The following RNF121 variants were observed in gnomAD, a reference collection of about 807,000 sequenced individuals.
RNF121 encodes the protein ring finger protein 121.
A neutral mutation model predicts 46.5 loss-of-function variants in RNF121; 21 were observed. The observed-to-expected ratio is 0.45, with a 90% CI of 0.32 to 0.65. The LOEUF (loss-of-function observed/expected upper bound fraction) is 0.65. RNF121 is among the 30% of genes least tolerant of loss of function. The pLI is 0.04. For synonymous variants in RNF121, 139 were observed against 144.7 expected, an observed-to-expected ratio of 0.96 and a Z score of 0.28; for missense variants, 346 against 416.0, an observed-to-expected ratio of 0.83 and a Z score of 1.46.
Position 71,990,577 on chromosome 11 carries a change from C to T in RNF121, c.507-20C>T, listed in dbSNP as rs759776357. ...TATGTCTCAGGGTGGGTCTTTCTAG[C>T]TCTAATGCTTCCCTTGCAGGATCAA... On this transcript the variant is annotated intron_variant, in intron 5 of 8. Transcript: ENST00000361756. 6 of 1,613,100 alleles carry T rather than the reference C, an allele frequency of 3.7e-6. No homozygotes were observed. Among genetic ancestry groups the T allele is most frequent in the Non-Finnish European group, 5.1e-6 (6 of 1,179,448 alleles).
At chr11:71,990,446 A>G (rs1269704526) in intron 5 of RNF121, 151 bp from the exon 6 acceptor site, 2 of 900,150 alleles carry the variant, frequency 2.2e-6, no homozygotes, top group Non-Finnish European at 3.4e-6. Flanking sequence ...ATAAAAATAG[A>G]CAGCAGACTG....
In RNF121 at chr11:71,956,427, A is replaced by G. The variant is rs535509347; in HGVS notation, c.64-800A>G. Among the ~76,000 whole-genome samples the G allele has an allele frequency of 6.6e-4, 100 of 152,332 alleles. 1 individual carries two copies. The highest frequency in any genetic ancestry group is 5.9e-4 in the Non-Finnish European group (40 of 68,026). The stretch of plus-strand genomic sequence containing the variant: ...TCAACTAGGGGGACGCTATGGCAAT[A>G]TACAGGACACCTTCCTCAACAGGGA... On this transcript the variant is annotated intron_variant, in intron 1 of 8. Transcript: ENST00000361756.
chr11:71,990,228 C>T (rs1465280626), intron 5 of RNF121, among the ~76,000 whole-genome samples: 1 of 152,220 alleles, frequency 6.6e-6, no homozygotes, highest in Non-Finnish European at 1.5e-5. Context: ...AGGCAGCTCA[C>T]TTAGTGTCCA....
intron 1 of RNF121, among the ~76,000 whole-genome samples, chr11:71,937,173 T>TA: frequency 6.6e-6 from 1 of 152,350 alleles, no homozygotes; most frequent in East Asian, 1.9e-4. Context: ...CGTCAGCACT[T>TA]ACCATGTCGT....
intron 3 of RNF121, among the ~76,000 whole-genome samples, chr11:71,980,580 A>T (rs887761221): frequency 6.6e-6 from 1 of 152,038 alleles, no homozygotes; most frequent in Non-Finnish European, 1.5e-5. Context: ...CTCCTGACCT[A>T]AGGTGATCTA....
chr11:71,956,795 T>G (rs749978838), intron 1 of RNF121, among the ~76,000 whole-genome samples: 55 of 151,980 alleles, frequency 3.6e-4, no homozygotes, highest in Non-Finnish European at 5.6e-4. Flanking sequence ...TATTTCTTCT[T>G]CTGGATAATT....
chr11:71,937,589 C>T (rs1008275435), intron 1 of RNF121, among the ~76,000 whole-genome samples: 6 of 152,212 alleles, frequency 3.9e-5, no homozygotes, highest in Admixed American at 6.5e-5. Context: ...GCGAACTAAT[C>T]GTTCCATGGT....
In RNF121 at chr11:71,987,121, C is replaced by T. The variant is rs536601275; in HGVS notation, c.506+10C>T. On this transcript the variant is annotated intron_variant, in intron 5 of 8. Coordinates refer to ENST00000361756, the MANE Select transcript of RNF121 (RefSeq NM_018320.5). ...TTAACTTATTATTCAAGTGAGTACC[C>T]TTTGTTTTTGTTTTTGCTGGAGTTT... is the stretch of plus-strand genomic sequence containing the variant. 6.4e-7 allele frequency: 1 copy of T among 1,565,758 alleles called. No homozygotes were observed. Among genetic ancestry groups the T allele is most frequent in the South Asian group, 1.1e-5 (1 of 90,110 alleles).
Position 71,984,702 on chromosome 11 carries a change from C to T in RNF121, c.398+1787C>T, listed in dbSNP as rs534068461. On this transcript the variant is annotated intron_variant, in intron 4 of 8. Transcript: ENST00000361756. ...TAGGCGATTCTCCTGGCTTAGCCTC[C>T]CAAGTAGCTGGGACTACAGGTGTGT... 3.3e-5 allele frequency among the ~76,000 whole-genome samples: 5 copies of T among 151,674 alleles called. No individual in the cohort carries two copies. The East Asian group carries it at 9.7e-4, about 29-fold the overall frequency.
intron 1 of RNF121, among the ~76,000 whole-genome samples, chr11:71,953,816 G>A (rs1953933358): frequency 6.6e-6 from 1 of 152,148 alleles, no homozygotes; most frequent in South Asian, 2.1e-4. Flanking sequence ...TATTTTGGGG[G>A]GACAGGAGAC....
At chr11:71,940,417 A>G (rs1236711322) in intron 1 of RNF121, among the ~76,000 whole-genome samples, 1 of 152,236 alleles carries the variant, frequency 6.6e-6, no homozygotes, top group Non-Finnish European at 1.5e-5. Context: ...AGAGGGAGCC[A>G]TTTGAGTTCG....
chr11:71,990,873 T>G, intron 6 of RNF121, 156 bp downstream of exon 6: 1 of 894,424 alleles, frequency 1.1e-6, no homozygotes. Context: ...TTCCTTAAAG[T>G]TTGGAAAGCA....
chr11:71,995,611 T>G (rs1032100222), intron 8 of RNF121, 60 bp downstream of exon 8: 2 of 1,369,518 alleles, frequency 1.5e-6, no homozygotes, highest in African/African-American at 2.9e-5. Context: ...CTGGCCAGTG[T>G]GACCTGCATT....
intron 1 of RNF121, among the ~76,000 whole-genome samples, chr11:71,951,838 A>T (rs1331428311): frequency 6.6e-6 from 1 of 152,186 alleles, no homozygotes; most frequent in Non-Finnish European, 1.5e-5. Context: ...TGGGAAGGAT[A>T]TGGAGAAATT....
chr11:71,985,259 C>T (rs1288643732), intron 4 of RNF121, among the ~76,000 whole-genome samples: 1 of 152,102 alleles, frequency 6.6e-6, no homozygotes, highest in Non-Finnish European at 1.5e-5. Context: ...CTTATTTATA[C>T]ATGTAGCATT....
chr11:71,957,645 G>T (rs915985270), intron 2 of RNF121, among the ~76,000 whole-genome samples: 1 of 152,172 alleles, frequency 6.6e-6, no homozygotes, highest in African/African-American at 2.4e-5. Flanking sequence ...TGCCTGGCAT[G>T]TGGTAAGCTT....
At chr11:71,983,101 A>G in intron 4 of RNF121, 186 bp downstream of exon 4, 1 of 438,884 alleles carries the variant, frequency 2.3e-6, no homozygotes, top group Non-Finnish European at 3.9e-6. Flanking sequence ...AAAAACCTCA[A>G]ATATTTCTGT....
intron 3 of RNF121, among the ~76,000 whole-genome samples, chr11:71,981,467 A>G (rs1006083624): frequency 2.0e-5 from 3 of 152,140 alleles, no homozygotes; most frequent in African/African-American, 7.2e-5. Context: ...TGTTGATGGC[A>G]TCAGGAAGAA....
chr11:71,960,643 A>G (rs1954107856), intron 2 of RNF121, 107 bp from the exon 3 acceptor site: 18 of 1,299,338 alleles, frequency 1.4e-5, no homozygotes, highest in Non-Finnish European at 1.9e-5. Context: ...GCTATGAAGC[A>G]GGGAATGTGT....
Sources: allele counts gnomAD v4.1 joint callset (sites outside exome capture counted in the v4.1 genomes callset), GRCh38; gene constraint gnomAD v4.1.1; transcripts MANE v1.5; gene names NCBI Gene and HGNC (gene_info 2026-07-23, HGNC 2026-07-21).